ECE1: variants seen among roughly 807,000 people sequenced by gnomAD.
ECE1 encodes the protein endothelin converting enzyme 1, also known as endothelin-converting enzyme 1.
ECE1 carries 35 observed loss-of-function variants against 98.6 expected under a neutral mutation model. The observed-to-expected ratio is 0.35, with a 90% CI of 0.27 to 0.47. ECE1 has a LOEUF of 0.47. Ranked by LOEUF, ECE1 falls within the 20% of genes least tolerant of loss-of-function variation. ECE1 has a pLI of 1.00. For missense variants in ECE1, 814 were observed against 1,025.3 expected (o/e 0.79, Z 2.81); for synonymous variants, 394 against 407.1 (o/e 0.97, Z 0.39).
At chr1:21,282,587 T>TG (rs1426161651) in intron 2 of ECE1, among the ~76,000 whole-genome samples, 3 of 92,310 alleles carry the variant, frequency 3.2e-5, no homozygotes, top group Non-Finnish European at 6.1e-5. Flanking sequence ...GACGCTGTCT[T>TG]GAAAAAAAAA....
At chr1:21,292,682 C>T (rs900937790), upstream of ECE1, among the ~76,000 whole-genome samples, 6 of 152,160 alleles carry the variant, frequency 3.9e-5, no homozygotes, top group African/African-American at 9.7e-5. Context: ...GCTCAACAAA[C>T]GGTTGTTAAA....
chr1:21,300,403 T>A (rs1471450543), intron 1 of ECE1, among the ~76,000 whole-genome samples: 2 of 152,056 alleles, frequency 1.3e-5, no homozygotes, highest in Non-Finnish European at 2.9e-5. Context: ...ATCACACATG[T>A]GAAAAGGCTT....
chr1:21,250,954 C>T (rs182090007), intron 8 of ECE1, among the ~76,000 whole-genome samples: 14 of 148,578 alleles, frequency 9.4e-5, no homozygotes, highest in East Asian at 7.9e-4. Context: ...TTGCAGTGAG[C>T]GGGGATCGCG....
At chr1:21,221,684 G>T in intron 18 of ECE1, 63 bp downstream of exon 18, 2 of 1,547,388 alleles carry the variant, frequency 1.3e-6, no homozygotes, top group South Asian at 1.1e-5. Context: ...CGGCTCTCTG[G>T]GCTCTTGAAA....
intron 1 of ECE1, among the ~76,000 whole-genome samples, chr1:21,325,133 A>G (rs1639051057): frequency 6.6e-6 from 1 of 152,172 alleles, no homozygotes; most frequent in Non-Finnish European, 1.5e-5. Flanking sequence ...ACTGGATTCA[A>G]TTTCTTCATT....
chr1:21,219,528 A>C lies in ECE1; in HGVS notation c.*427T>G, dbSNP rs2098164736. Reference sequence around the variant, plus strand: ...AAAAACAGAACATAATAAATATACCAATTCTTTCCTTAAAAAAAAAAGTGT... The same window carrying C: ...AAAAACAGAACATAATAAATATACCCATTCTTTCCTTAAAAAAAAAAGTGT... On this transcript the variant is annotated 3_prime_UTR_variant, in exon 19 of 19. Coordinates refer to ENST00000374893, the MANE Select transcript of ECE1 (RefSeq NM_001397.3). This position sits in a 1 kb window ranked among gnomAD's most constrained non-coding sequence, Gnocchi z 4.5. 4.9e-6 allele frequency: 1 copy of C among 202,822 alleles called. No homozygotes were observed. Among genetic ancestry groups the C allele is most frequent in the Non-Finnish European group, 1.0e-5 (1 of 96,814 alleles). 12.6% of individuals were successfully genotyped at this position (202,822 alleles called of 1,614,324 possible).
At chr1:21,276,085 G>C (rs1055339682) in intron 3 of ECE1, among the ~76,000 whole-genome samples, 17 of 146,012 alleles carry the variant, frequency 1.2e-4, no homozygotes, top group African/African-American at 4.2e-4. Context: ...CAGTGCAGTG[G>C]CATAATCTCG....
chr1:21,251,938 C>T (rs1397714485), intron 8 of ECE1, among the ~76,000 whole-genome samples: 3 of 152,190 alleles, frequency 2.0e-5, no homozygotes, highest in Non-Finnish European at 2.9e-5. Flanking sequence ...TGAGGCTAAT[C>T]TTTAACATTT....
intron 1 of ECE1, among the ~76,000 whole-genome samples, chr1:21,309,249 C>G (rs1038015332): frequency 2.6e-5 from 4 of 152,192 alleles, no homozygotes; most frequent in African/African-American, 7.2e-5. Flanking sequence ...GGTCACTCCC[C>G]CTCTGTGGTT....
Position 21,227,174 on chromosome 1 carries a change from C to A in ECE1, c.1834G>T (p.Ala612Ser). 1 of 1,614,140 alleles carries A rather than the reference C, an allele frequency of 6.2e-7. No individual in the cohort carries two copies. Among genetic ancestry groups the A allele is most frequent in the Non-Finnish European group, 8.5e-7 (1 of 1,179,996 alleles). ...GVVVGHELTH[A>S]FDDQGREYDK... ...GAATTCGTACCTTGATCATCAAAAG[C>A]ATGAGTCAGCTCATGGCCCACGACG... Residue 612 changes from alanine (A) to serine (S), a missense_variant, in exon 16 of 19, where the codon GCT becomes TCT. Physicochemically the swap from Ala to Ser is moderately conservative, Grantham distance 99. This residue lies in a region of ECE1 where 452 missense variants were observed against 567.3 expected (regional missense o/e 0.80). Transcript: ENST00000374893.
chr1:21,244,171 T>C (rs1313849419), intron 10 of ECE1, among the ~76,000 whole-genome samples: 1 of 152,140 alleles, frequency 6.6e-6, no homozygotes, highest in Non-Finnish European at 1.5e-5. Context: ...CCAGGTGAGC[T>C]TGGCACACCA....
At chr1:21,261,167 G>T (rs2098226394) in intron 4 of ECE1, among the ~76,000 whole-genome samples, 1 of 152,180 alleles carries the variant, frequency 6.6e-6, no homozygotes, top group South Asian at 2.1e-4. Flanking sequence ...TCTTCTCAGA[G>T]CCCTGCTCCA....
At chr1:21,241,814 A>T (rs2098196767) in intron 10 of ECE1, among the ~76,000 whole-genome samples, 1 of 151,702 alleles carries the variant, frequency 6.6e-6, no homozygotes, top group Non-Finnish European at 1.5e-5. Flanking sequence ...AAGTCCTGGA[A>T]GTACTACAGG....
intron 1 of ECE1, among the ~76,000 whole-genome samples, chr1:21,321,504 A>G (rs1202799519): frequency 6.6e-6 from 1 of 152,168 alleles, no homozygotes; most frequent in African/African-American, 2.4e-5. Flanking sequence ...GGGTGCCTTC[A>G]CAAGTAATCA....
intron 14 of ECE1, among the ~76,000 whole-genome samples, chr1:21,232,262 C>G (rs1040983500): frequency 9.9e-5 from 15 of 151,928 alleles, no homozygotes; most frequent in African/African-American, 3.6e-4. Flanking sequence ...ACTGGGCTGA[C>G]TACATCTAAT....
intron 2 of ECE1, chr1:21,279,750 C>G: frequency 8.1e-7 from 1 of 1,234,214 alleles, no homozygotes; most frequent in African/African-American, 1.5e-5. Flanking sequence ...GGTGACACAG[C>G]CATGGCTCAC....
At position 21,345,084 on chromosome 1, in the gene ECE1, ACCGTC is replaced by A. The variant is rs1305708957; in HGVS notation, c.3+287_3+291del. The stretch of plus-strand genomic sequence containing the variant: ...GAACAACCCAAAACAGACCGCAGCA[ACCGTC>A]CCCAAAGCGAACCGGGGACCCCGAG... On this transcript the variant is annotated intron_variant, in intron 1 of 18. Transcript: ENST00000415912. The surrounding 1 kb of genome is among the most constrained non-coding windows in gnomAD (Gnocchi z 5.1). 3 of 220,166 alleles carry A rather than the reference ACCGTC, an allele frequency of 1.4e-5. No homozygotes were observed. Among genetic ancestry groups the A allele is most frequent in the Non-Finnish European group, 1.7e-5 (2 of 114,892 alleles). The allele number at this position is 220,166 out of a possible 1,614,324, so 13.6% of individuals were successfully genotyped here.
rs1190613971 is a variant in ECE1 at position 21,219,409 on chromosome 1, T to C, written c.*546A>G. The C allele has an allele frequency of 6.2e-6, 1 of 160,376 alleles. No homozygotes were observed. The highest frequency in any genetic ancestry group is 1.7e-4 in the East Asian group (1 of 5,720). 9.9% of individuals were successfully genotyped at this position (160,376 alleles called of 1,614,324 possible). A position where few individuals can be genotyped will look rare whatever the true frequency, so the allele number is the denominator to read the frequency against. On this transcript the variant is annotated 3_prime_UTR_variant, in exon 19 of 19. Transcript: ENST00000374893. This position sits in a 1 kb window ranked among gnomAD's most constrained non-coding sequence, Gnocchi z 4.5. ...CTGTCTGATTTGGAGACTTGCTCTG[T>C]GGCCCAGGGATCCGTGCCTCAGCCC...
intron 1 of ECE1, among the ~76,000 whole-genome samples, chr1:21,329,391 G>C (rs213037): frequency 6.6e-6 from 1 of 152,050 alleles, no homozygotes; most frequent in African/African-American, 2.4e-5. Flanking sequence ...AGAAAGGGGC[G>C]TGGCCTTCAT....
Sources: allele counts gnomAD v4.1 joint callset (sites outside exome capture counted in the v4.1 genomes callset), GRCh38; gene constraint gnomAD v4.1.1; regional missense constraint gnomAD v4.1.1; non-coding constraint Gnocchi (gnomAD v3.1); transcripts MANE v1.5; gene names NCBI Gene and HGNC (gene_info 2026-07-23, HGNC 2026-07-21).